Variants in XPR1 observed in about 807,000 individuals in gnomAD.
The protein encoded by XPR1 is solute carrier family 53 member 1.
XPR1 carries 28 observed loss-of-function variants against 87.5 expected under a neutral mutation model. That is an observed-to-expected ratio of 0.32 (90% CI 0.24 to 0.44). The LOEUF is 0.44. Among genes scored for constraint, XPR1 ranks in the 20% least tolerant of loss-of-function variants. XPR1 has a pLI of 1.00. For synonymous variants in XPR1, 300 were observed against 306.1 expected (o/e 0.98, Z 0.21); for missense variants, 559 against 862.3 (o/e 0.65, Z 4.41).
intron 2 of XPR1, among the ~76,000 whole-genome samples, chr1:180,698,007 C>T (rs980214984): frequency 3.3e-5 from 5 of 151,976 alleles, no homozygotes; most frequent in South Asian, 2.1e-4. Flanking sequence ...TATTTTCTGT[C>T]GAGATGATTG....
intron 1 of XPR1, among the ~76,000 whole-genome samples, chr1:180,650,303 A>T (rs1015089420): frequency 2.6e-5 from 4 of 151,958 alleles, no homozygotes; most frequent in Admixed American, 2.0e-4. Context: ...TGGCACGATC[A>T]TAGCTTACTG....
intron 2 of XPR1, among the ~76,000 whole-genome samples, chr1:180,701,399 CTAATT>C (rs1265213943): frequency 9.0e-6 from 1 of 110,528 alleles, no homozygotes; most frequent in African/African-American, 4.6e-5. Context: ...CCATCAATAC[CTAATT>C]TATTGAGAGT....
intron 2 of XPR1, among the ~76,000 whole-genome samples, chr1:180,762,241 G>T (rs111430587): frequency 0.043 from 6,531 of 151,386 alleles, 502 homozygotes; most frequent in African/African-American, 0.15. Flanking sequence ...CTGCACATTG[G>T]GCACATGTAC....
intron 1 of XPR1, among the ~76,000 whole-genome samples, chr1:180,682,129 C>G (rs779022420): frequency 6.6e-6 from 1 of 151,982 alleles, no homozygotes; most frequent in African/African-American, 2.4e-5. Context: ...TCCAGCTGTT[C>G]CTTAATTTTA....
chr1:180,838,780 A>G (rs769238939), intron 11 of XPR1, among the ~76,000 whole-genome samples: 9 of 152,170 alleles, frequency 5.9e-5, no homozygotes, highest in African/African-American at 4.8e-5. Context: ...ACTATAATGT[A>G]TCTTTATTTT....
Position 180,801,141 on chromosome 1 carries a change from T to C in XPR1, c.224-2247T>C, listed in dbSNP as rs182965437. 2.0e-3 allele frequency among the ~76,000 whole-genome samples: 306 copies of C among 152,380 alleles called. 4 individuals are homozygous for C. The highest frequency in any genetic ancestry group is 1.3e-3 in the East Asian group (7 of 5,194). On this transcript the variant is annotated intron_variant, in intron 3 of 14. Coordinates refer to ENST00000367590, the MANE Select transcript of XPR1 (RefSeq NM_004736.4). ...TAGTTAAGTGCTGCCATCTGGCCTT[T>C]CTGTTCCAAGGATCATTGAATGTGC...
intron 2 of XPR1, among the ~76,000 whole-genome samples, chr1:180,783,032 T>A (rs755281620): frequency 6.6e-6 from 1 of 152,070 alleles, no homozygotes; most frequent in South Asian, 2.1e-4. Context: ...CATCTTATAA[T>A]AGAAATTGAT....
intron 7 of XPR1, among the ~76,000 whole-genome samples, chr1:180,817,581 CATG>C (rs1650457608): frequency 6.6e-6 from 1 of 152,176 alleles, no homozygotes; most frequent in African/African-American, 2.4e-5. Context: ...TGTACAGTAA[CATG>C]GTGGACAGGT....
chr1:180,787,277 GTTTTTTTTGTT>G (rs1477493600), intron 2 of XPR1, among the ~76,000 whole-genome samples: 22 of 133,918 alleles, frequency 1.6e-4, no homozygotes, highest in East Asian at 4.4e-4. Flanking sequence ...TTACAAAGAG[GTTTTTTTTGTT>G]TTTTTTTTGT....
chr1:180,729,549 A>G (rs1026384110), intron 2 of XPR1, among the ~76,000 whole-genome samples: 1 of 151,930 alleles, frequency 6.6e-6, no homozygotes, highest in African/African-American at 2.4e-5. Flanking sequence ...TTTGTCCTCA[A>G]CCTCGCCAGC....
At chr1:180,818,757 C>T (rs1420560074) in intron 7 of XPR1, among the ~76,000 whole-genome samples, 1 of 152,008 alleles carries the variant, frequency 6.6e-6, no homozygotes, top group African/African-American at 2.4e-5. Context: ...ATGATCTTGT[C>T]TAGCAAGAGT....
At chr1:180,769,225 C>T (rs1007085281) in intron 2 of XPR1, among the ~76,000 whole-genome samples, 2 of 152,012 alleles carry the variant, frequency 1.3e-5, no homozygotes, top group Admixed American at 1.3e-4. Context: ...GGTATCCATC[C>T]CTTCAAGCAT....
chr1:180,658,516 A>G (rs914303997), intron 1 of XPR1, among the ~76,000 whole-genome samples: 1 of 151,808 alleles, frequency 6.6e-6, no homozygotes, highest in African/African-American at 2.4e-5. Context: ...GAATTTTATC[A>G]AATGCTTCTT....
At chr1:180,855,638 T>C (rs1246046530) in intron 11 of XPR1, among the ~76,000 whole-genome samples, 1 of 137,080 alleles carries the variant, frequency 7.3e-6, no homozygotes, top group Non-Finnish European at 1.5e-5. Flanking sequence ...CTCTCCAGCC[T>C]GGCGACAGAG....
At chr1:180,740,394 A>G (rs1296532931) in intron 2 of XPR1, among the ~76,000 whole-genome samples, 1 of 151,260 alleles carries the variant, frequency 6.6e-6, no homozygotes, top group Non-Finnish European at 1.5e-5. Flanking sequence ...GTTTTGTCAC[A>G]TGCTTTTTAT....
At chr1:180,759,428 G>A (rs1181745244) in intron 2 of XPR1, among the ~76,000 whole-genome samples, 1 of 151,918 alleles carries the variant, frequency 6.6e-6, no homozygotes, top group African/African-American at 2.4e-5. Context: ...AATGATAAAG[G>A]GGATATCACC....
At chr1:180,643,411 G>C (rs1655016612) in intron 1 of XPR1, among the ~76,000 whole-genome samples, 2 of 152,090 alleles carry the variant, frequency 1.3e-5, no homozygotes, top group Admixed American at 6.6e-5. Context: ...GTTGTTATTA[G>C]TGGCGTTCTA....
chr1:180,664,386 C>T (rs1655890042), intron 1 of XPR1, among the ~76,000 whole-genome samples: 1 of 152,110 alleles, frequency 6.6e-6, no homozygotes, highest in Non-Finnish European at 1.5e-5. Flanking sequence ...TTTTTCCCTT[C>T]AAGGCAGCTG....
At chr1:180,678,720 G>A (rs138913471) in intron 1 of XPR1, among the ~76,000 whole-genome samples, 148 of 152,138 alleles carry the variant, frequency 9.7e-4, no homozygotes, top group African/African-American at 3.0e-3. Flanking sequence ...ATTTTTTACT[G>A]TATATTATTA....
Sources: gnomAD v4.1 joint callset for allele counts (sites outside exome capture counted in the v4.1 genomes callset) on GRCh38, gnomAD v4.1.1 for gene constraint, MANE v1.5 for transcripts, NCBI Gene and HGNC (gene_info 2026-07-23, HGNC 2026-07-21) for gene names.